The following VSNL1 variants were observed in gnomAD, a reference collection of about 807,000 sequenced individuals.
VSNL1 encodes the protein visinin-like protein 1.
Under a neutral mutation model 20.4 loss-of-function variants are expected in VSNL1, and 6 were observed. The ratio of observed to expected loss-of-function variants is 0.29; its 90% CI spans 0.16 to 0.58. VSNL1 has a LOEUF of 0.58. VSNL1 is among the 20% of genes least tolerant of loss of function. The pLI, the probability that VSNL1 is intolerant of heterozygous loss-of-function variation, is 0.90. For synonymous variants in VSNL1, 93 were observed against 86.4 expected (o/e 1.08, Z -0.42); for missense variants, 100 against 234.5 (o/e 0.43, Z 3.75).
At chr2:17,589,481 A>G (rs1023546320) in intron 1 of VSNL1, among the ~76,000 whole-genome samples, 1 of 152,206 alleles carries the variant, frequency 6.6e-6, no homozygotes, top group African/African-American at 2.4e-5. Flanking sequence ...TCTTTAATCA[A>G]GGCAAGATCT....
At chr2:17,561,459 G>C (rs1490185008) in intron 1 of VSNL1, among the ~76,000 whole-genome samples, 1 of 152,162 alleles carries the variant, frequency 6.6e-6, no homozygotes, top group Non-Finnish European at 1.5e-5. Flanking sequence ...AGGCTGAAGA[G>C]TTAGGTAGCA....
intron 1 of VSNL1, chr2:17,541,685 T>A (rs954657857): frequency 1.3e-5 from 2 of 152,202 alleles, no homozygotes; most frequent in African/African-American, 4.8e-5. Context: ...TCAAGGTGTG[T>A]TACATTTGGT....
chr2:17,545,896 C>T (rs1663395251), intron 1 of VSNL1: 3 of 152,028 alleles, frequency 2.0e-5, no homozygotes, highest in Non-Finnish European at 4.4e-5. Flanking sequence ...TACACTTTCT[C>T]TGGATTTCTC....
At chr2:17,647,596 G>A (rs1666025877) in intron 2 of VSNL1, among the ~76,000 whole-genome samples, 2 of 152,216 alleles carry the variant, frequency 1.3e-5, no homozygotes, top group African/African-American at 2.4e-5. Context: ...CAGGTACCAA[G>A]CACCTAAGTA....
At chr2:17,622,536 G>GAAAGAAAGAAAGAAAGAAAC in intron 2 of VSNL1, among the ~76,000 whole-genome samples, 1 of 19,554 alleles carries the variant, frequency 5.1e-5, no homozygotes, top group East Asian at 1.1e-3. Flanking sequence ...AGAAAGAAAA[G>GAAAGAAAGAAAGAAAGAAAC]AAAGAAAGAA....
intron 3 of VSNL1, among the ~76,000 whole-genome samples, chr2:17,654,546 T>A (rs761027362): frequency 1.3e-5 from 2 of 152,136 alleles, no homozygotes; most frequent in African/African-American, 4.8e-5. Flanking sequence ...CCTGAACCTA[T>A]TCCTAATCCA....
At chr2:17,554,811 T>C (rs1663635033) in intron 1 of VSNL1, among the ~76,000 whole-genome samples, 1 of 152,154 alleles carries the variant, frequency 6.6e-6, no homozygotes, top group Non-Finnish European at 1.5e-5. Context: ...CTAAGTTATA[T>C]TTTCCTCCAT....
intron 1 of VSNL1, among the ~76,000 whole-genome samples, chr2:17,550,488 A>AC (rs1316679904): frequency 3.3e-5 from 5 of 152,216 alleles, no homozygotes; most frequent in Middle Eastern, 3.4e-3. Flanking sequence ...TTCCAAAGAG[A>AC]CCCTTGTGGA....
At chr2:17,589,252 AATCACT>A (rs1478231510) in intron 1 of VSNL1, among the ~76,000 whole-genome samples, 2 of 152,354 alleles carry the variant, frequency 1.3e-5, no homozygotes, top group East Asian at 3.9e-4. Context: ...AATAGTTTAT[AATCACT>A]GACACATGAG....
chr2:17,654,288 T>A (rs1172863663), intron 3 of VSNL1, among the ~76,000 whole-genome samples: 1 of 152,256 alleles, frequency 6.6e-6, no homozygotes, highest in Non-Finnish European at 1.5e-5. Context: ...TTGGTCTGGA[T>A]AATTGAAATC....
At chr2:17,567,572 G>A (rs1487078389) in intron 1 of VSNL1, 2 of 152,036 alleles carry the variant, frequency 1.3e-5, no homozygotes, top group African/African-American at 4.8e-5. Flanking sequence ...GTGTTAGCCA[G>A]GATGGTCTCG....
At chr2:17,585,394 A>C (rs910243190) in intron 1 of VSNL1, among the ~76,000 whole-genome samples, 5 of 150,300 alleles carry the variant, frequency 3.3e-5, no homozygotes, top group Admixed American at 2.0e-4. Context: ...AAAAAAAAAA[A>C]AACATACAAT....
At chr2:17,596,591 C>A in intron 2 of VSNL1, among the ~76,000 whole-genome samples, 1 of 152,130 alleles carries the variant, frequency 6.6e-6, no homozygotes, top group East Asian at 1.9e-4. Flanking sequence ...ACATCAAAGC[C>A]AAAGAAATCA....
At chr2:17,561,602 T>C (rs1663816414) in intron 1 of VSNL1, among the ~76,000 whole-genome samples, 1 of 152,216 alleles carries the variant, frequency 6.6e-6, no homozygotes, top group Non-Finnish European at 1.5e-5. Flanking sequence ...TTTCAAAAGA[T>C]ACTTTTGGAG....
chr2:17,554,330 T>C (rs1360413633), intron 1 of VSNL1, among the ~76,000 whole-genome samples: 3 of 152,196 alleles, frequency 2.0e-5, no homozygotes, highest in Admixed American at 2.0e-4. Flanking sequence ...CTCTGGATTG[T>C]GATTATTGGT....
chr2:17,596,574 C>T (rs956141294), intron 2 of VSNL1, among the ~76,000 whole-genome samples: 5 of 152,170 alleles, frequency 3.3e-5, no homozygotes, highest in Non-Finnish European at 5.9e-5. Flanking sequence ...TTTGCTTAGC[C>T]ACTGTGACAT....
chr2:17,643,940 T>G (rs2103424670), intron 2 of VSNL1, among the ~76,000 whole-genome samples: 1 of 151,976 alleles, frequency 6.6e-6, no homozygotes, highest in East Asian at 1.9e-4. Flanking sequence ...GACACAGAGG[T>G]GGGGACCAGA....
chr2:17,655,179 A>G lies in VSNL1; in HGVS notation c.379-18A>G, dbSNP rs1249784126. On this transcript the variant is annotated intron_variant, in intron 3 of 3. Transcript: ENST00000295156. The surrounding 1 kb of genome is among the most constrained non-coding windows in gnomAD (Gnocchi z 5.2). ...CTGGGTTTCTGGTAATATCACCTAC[A>G]ATGCTTTTTTCCCCAAGGCTATCTA... 1 of 1,610,946 alleles carries G rather than the reference A, an allele frequency of 6.2e-7. No homozygotes were observed. Among genetic ancestry groups the G allele is most frequent in the African/African-American group, 1.4e-5 (1 of 73,720 alleles).
intron 2 of VSNL1, among the ~76,000 whole-genome samples, chr2:17,607,220 C>T (rs577966179): frequency 6.6e-6 from 1 of 152,284 alleles, no homozygotes; most frequent in East Asian, 1.9e-4. Context: ...AGGACTGTTG[C>T]TAGCGAGTTG....
Sources: allele counts gnomAD v4.1 joint callset (sites outside exome capture counted in the v4.1 genomes callset), GRCh38; gene constraint gnomAD v4.1.1; non-coding constraint Gnocchi (gnomAD v3.1); transcripts MANE v1.5; gene names NCBI Gene and HGNC (gene_info 2026-07-23, HGNC 2026-07-21).